LRP2: variants seen among roughly 807,000 people sequenced by gnomAD.
The protein encoded by LRP2 is low-density lipoprotein receptor-related protein 2.
LRP2 carries 172 observed loss-of-function variants against 531.0 expected under a neutral mutation model. The ratio of observed to expected loss-of-function variants is 0.32; its 90% confidence interval spans 0.29 to 0.37. The LOEUF is 0.37. Ranked by LOEUF, LRP2 falls within the 10% of genes least tolerant of loss-of-function variation. The pLI is 1.00. For missense variants in LRP2, 5,167 were observed against 5,868.3 expected, an observed-to-expected ratio of 0.88 and a Z score of 3.90; for synonymous variants, 1,992 against 2,027.6, an observed-to-expected ratio of 0.98 and a Z score of 0.47.
chr2:169,206,944 G>A lies in LRP2; in HGVS notation c.6776C>T (p.Ala2259Val). 6.2e-7 allele frequency: 1 copy of A among 1,614,144 alleles called. No individual in the cohort carries two copies. ...YWVDDSLDII[A>V]RIRINGENSE... ...GTTCTCTCCATTGATACGAATCCTT[G>A]CAATTATATCTAAAGAATCATCAAC... The change falls in exon 39 of 79, where the codon GCA becomes GTA. Residue 2259 changes from alanine to valine, a missense_variant. Ala to Val is a moderately conservative substitution (Grantham distance 64). Coordinates refer to ENST00000649046, the MANE Select transcript of LRP2 (RefSeq NM_004525.3).
chr2:169,177,226 T>C (rs1443825494), intron 53 of LRP2, among the ~76,000 whole-genome samples: 1 of 152,248 alleles, frequency 6.6e-6, no homozygotes, highest in East Asian at 1.9e-4. Flanking sequence ...CCCCAAAATA[T>C]ATTTCAGACC....
intron 1 of LRP2, among the ~76,000 whole-genome samples, chr2:169,349,883 CT>C (rs1391888824): frequency 6.6e-6 from 1 of 152,206 alleles, no homozygotes; most frequent in African/African-American, 2.4e-5. Flanking sequence ...ATCTCAGTGT[CT>C]GTTTTTGGGC....
chr2:169,197,384 C>T (rs1045687674), intron 45 of LRP2, among the ~76,000 whole-genome samples: 4 of 152,104 alleles, frequency 2.6e-5, no homozygotes, highest in Non-Finnish European at 4.4e-5. Context: ...AATTCCATTG[C>T]AATGATAATT....
intron 1 of LRP2, among the ~76,000 whole-genome samples, chr2:169,357,821 C>T (rs542931847): frequency 1.4e-4 from 22 of 151,992 alleles, no homozygotes; most frequent in Non-Finnish European, 7.4e-5. Flanking sequence ...TCTTACAGTG[C>T]CTGACTAGAG....
chr2:169,330,603 C>T (rs927516349), intron 1 of LRP2, among the ~76,000 whole-genome samples: 2 of 152,190 alleles, frequency 1.3e-5, no homozygotes, highest in African/African-American at 4.8e-5. Flanking sequence ...ACGCTATCGC[C>T]ATTTGGGGTG....
chr2:169,267,143 G>A (rs1411972191), intron 16 of LRP2, among the ~76,000 whole-genome samples: 2 of 151,766 alleles, frequency 1.3e-5, no homozygotes, highest in Non-Finnish European at 2.9e-5. Context: ...TCCCGTCTCG[G>A]TTCCCAAAAA....
rs749589156 is a variant in LRP2, at chr2:169,157,548, AAC to A, written c.11888-48_11888-47del. On this transcript the variant is annotated intron_variant, in intron 63 of 78. Coordinates refer to ENST00000649046, the MANE Select transcript of LRP2 (RefSeq NM_004525.3). ...ATTACAAACCAGATCAGCCACAAAT[AAC>A]AGTCAAGTGGTGTATCAAAAGAAGC... is the stretch of plus-strand genomic sequence containing the variant. 46 of 1,607,156 alleles carry A rather than the reference AAC, an allele frequency of 2.9e-5. 2 individuals carry two copies. In the South Asian group the frequency reaches 4.8e-4, roughly 17 times the overall value.
intron 62 of LRP2, among the ~76,000 whole-genome samples, chr2:169,163,299 A>G (rs1478884890): frequency 6.6e-6 from 1 of 152,204 alleles, no homozygotes; most frequent in African/African-American, 2.4e-5. Flanking sequence ...GCAAGATAGT[A>G]TAAGAAAGAG....
In LRP2 at chr2:169,207,197, G is replaced by A. The variant is rs139177669; in HGVS notation, c.6523C>T (p.Arg2175Trp). The change falls in exon 39 of 79, where the codon CGG (arginine) becomes TGG (tryptophan). Residue 2175 changes from arginine (R) to tryptophan (W), a missense_variant. Around this residue, in one of 6 missense-constraint regions of LRP2, gnomAD observed 2,811 missense variants for 3,058.0 expected, o/e 0.92. Coordinates refer to ENST00000649046, the MANE Select transcript of LRP2 (RefSeq NM_004525.3). Reference protein sequence around the residue: ...FVSETLIEVLRINTTYRRVLL... With the variant: ...FVSETLIEVLWINTTYRRVLL... ...ACACGGCGGTAAGTAGTATTGATCC[G>A]CAGAACTTCTATCAGTGTTTCAGAA... 5.1e-5 allele frequency: 82 copies of A among 1,613,810 alleles called. No individual in the cohort carries two copies. Among genetic ancestry groups the A allele is most frequent in the African/African-American group, 5.3e-5 (4 of 74,910 alleles).
intron 1 of LRP2, among the ~76,000 whole-genome samples, chr2:169,352,782 A>G (rs1374775509): frequency 1.3e-5 from 2 of 150,426 alleles, no homozygotes; most frequent in Non-Finnish European, 3.0e-5. Context: ...GTTCTCACTC[A>G]TAAGTGGGAG....
rs775535794 is a variant in LRP2, at chr2:169,291,008, A to T, written c.770-11T>A. 6.2e-7 allele frequency: 1 copy of T among 1,612,912 alleles called. No individual in the cohort carries two copies. The highest frequency in any genetic ancestry group is 8.5e-7 in the Non-Finnish European group (1 of 1,179,262). ...CATGAGGACCGCTTTCTGTGGGGGG[A>T]AAAAGAGAGAGTTACAGGCCATAGG... On this transcript the variant is annotated splice_polypyrimidine_tract_variant and intron_variant, in intron 7 of 78. Coordinates refer to ENST00000649046, the MANE Select transcript of LRP2 (RefSeq NM_004525.3).
intron 1 of LRP2, among the ~76,000 whole-genome samples, chr2:169,345,166 A>G (rs1216564871): frequency 6.6e-6 from 1 of 152,186 alleles, no homozygotes; most frequent in African/African-American, 2.4e-5. Context: ...CAAGGGGTAA[A>G]TCGTTAAATA....
chr2:169,258,957 G>A lies in LRP2; in HGVS notation c.2513+68C>T. ...TGCTGAACTTACCTAAATCCCTAGG[G>A]CATCACTTTTCAATGACTGTAAAAG... On this transcript the variant is annotated intron_variant, in intron 17 of 78. Coordinates refer to ENST00000649046, the MANE Select transcript of LRP2 (RefSeq NM_004525.3). 7 of 1,322,308 alleles carry A rather than the reference G, an allele frequency of 5.3e-6. No homozygotes were observed. In the South Asian group the frequency reaches 8.3e-5, roughly 16 times the overall value. The allele number at this position is 1,322,308 out of a possible 1,614,324, so 81.9% of individuals were successfully genotyped here.
chr2:169,156,587 A>G (rs1035399908), intron 64 of LRP2, among the ~76,000 whole-genome samples, 182 bp from the exon 65 acceptor site: 4 of 152,170 alleles, frequency 2.6e-5, no homozygotes, highest in South Asian at 2.1e-4. Flanking sequence ...TGCTTTTCAA[A>G]TATTTTCCTC....
chr2:169,361,330 G>GTCTCTCTCTCTC (rs1405262223), intron 1 of LRP2, among the ~76,000 whole-genome samples: 1 of 32,178 alleles, frequency 3.1e-5, no homozygotes, highest in African/African-American at 1.4e-4. Flanking sequence ...GTCTCTCTCT[G>GTCTCTCTCTCTC]TCTCTCTCTG....
At chr2:169,278,223 G>T (rs1397064537) in intron 12 of LRP2, among the ~76,000 whole-genome samples, 1 of 152,108 alleles carries the variant, frequency 6.6e-6, no homozygotes, top group African/African-American at 2.4e-5. Flanking sequence ...AGTGGTTCAT[G>T]CCTGTGGTCC....
rs535045899 is a variant in LRP2, at chr2:169,179,147, C to A, written c.10170-1121G>T. Among the ~76,000 whole-genome samples the A allele has an allele frequency of 2.6e-5, 4 of 152,118 alleles. No individual in the cohort carries two copies. In the East Asian group the frequency reaches 7.7e-4, roughly 29 times the overall value. ...ACCTCAGTCTTCTGAGTAGCTGGGA[C>A]AGGCAGGTGCCAGCACATCCAGCTA... On this transcript the variant is annotated intron_variant, in intron 52 of 78. Coordinates refer to ENST00000649046, the MANE Select transcript of LRP2 (RefSeq NM_004525.3).
chr2:169,326,449 C>T (rs1306529337), intron 1 of LRP2, among the ~76,000 whole-genome samples: 2 of 151,526 alleles, frequency 1.3e-5, no homozygotes, highest in South Asian at 2.1e-4. Flanking sequence ...AGCTCCTAAC[C>T]GCGAGTGATC....
chr2:169,165,843 A>T lies in LRP2; in HGVS notation c.11758+89T>A, dbSNP rs1210883672. On this transcript the variant is annotated intron_variant, in intron 62 of 78. Coordinates refer to ENST00000649046, the MANE Select transcript of LRP2 (RefSeq NM_004525.3). ...TGCAGTCATGGGCACAACTCTATAG[A>T]ACAAACTGAAATCCCAGAGGCACAT... 2.0e-6 allele frequency: 3 copies of T among 1,522,000 alleles called. No homozygotes were observed. In the East Asian group the frequency reaches 6.8e-5, roughly 34 times the overall value. The allele number at this position is 1,522,000 out of a possible 1,614,324, so 94.3% of individuals were successfully genotyped here.
Sources: allele counts gnomAD v4.1 joint callset (sites outside exome capture counted in the v4.1 genomes callset), GRCh38; gene constraint gnomAD v4.1.1; regional missense constraint gnomAD v4.1.1; transcripts MANE v1.5; gene names NCBI Gene and HGNC (gene_info 2026-07-23, HGNC 2026-07-21).